The following CLTCL1 variants were observed in gnomAD, a reference collection of about 807,000 sequenced individuals.
The protein encoded by CLTCL1 is clathrin heavy chain 2.
In CLTCL1, 159 loss-of-function variants were observed where a neutral mutation model predicts 190.0. That is an observed-to-expected ratio of 0.84 (90% CI 0.74 to 0.95). CLTCL1 has a LOEUF of 0.95. CLTCL1 is among the 40% of genes least tolerant of loss of function. The pLI is 0.00. For synonymous variants in CLTCL1, 752 were observed against 769.6 expected, an observed-to-expected ratio of 0.98 and a Z score of 0.38; for missense variants, 1,878 against 2,033.4, an observed-to-expected ratio of 0.92 and a Z score of 1.47.
intron 11 of CLTCL1, among the ~76,000 whole-genome samples, chr22:19,229,578 G>A (rs957226554): frequency 2.6e-5 from 4 of 152,128 alleles, no homozygotes; most frequent in Non-Finnish European, 4.4e-5. Flanking sequence ...TGGTAAATTT[G>A]GTTATGTATA....
At chr22:19,215,639 C>T (rs1467771209) in intron 19 of CLTCL1, among the ~76,000 whole-genome samples, 2 of 152,194 alleles carry the variant, frequency 1.3e-5, no homozygotes, top group Non-Finnish European at 2.9e-5. Context: ...TCTATAGTGC[C>T]GGGCCTGTGC....
At chr22:19,183,694 T>A (rs1249035849) in intron 29 of CLTCL1, 83 bp from the exon 30 acceptor site, 2 of 1,377,086 alleles carry the variant, frequency 1.5e-6, no homozygotes, top group African/African-American at 1.4e-5. Context: ...GGGCAGGGAG[T>A]GGCACTAGAC....
chr22:19,275,906 G>A, intron 1 of CLTCL1, 76 bp from the exon 2 acceptor site: 4 of 1,278,636 alleles, frequency 3.1e-6, no homozygotes, highest in South Asian at 2.8e-5. Context: ...CAAAAGAGGA[G>A]AAGTTAAATA....
chr22:19,187,915 A>C, intron 28 of CLTCL1, 66 bp downstream of exon 28: 2 of 1,510,150 alleles, frequency 1.3e-6, no homozygotes, highest in Non-Finnish European at 1.8e-6. Context: ...TGCTTTGAGA[A>C]CAGAATGGCA....
At chr22:19,258,528 C>T in intron 2 of CLTCL1, 1 of 552,004 alleles carries the variant, frequency 1.8e-6, no homozygotes, top group Non-Finnish European at 3.4e-6. Flanking sequence ...GATGGAGCAG[C>T]TCAACAGGGT....
intron 5 of CLTCL1, among the ~76,000 whole-genome samples, chr22:19,237,284 A>G (rs2086110116): frequency 1.3e-5 from 2 of 152,166 alleles, no homozygotes; most frequent in African/African-American, 4.8e-5. Flanking sequence ...AGACTGGCCT[A>G]GGCAACATAG....
At chr22:19,258,461 T>C in intron 2 of CLTCL1, 2 of 432,606 alleles carry the variant, frequency 4.6e-6, no homozygotes, top group Non-Finnish European at 8.8e-6. Flanking sequence ...TGATGAGAAA[T>C]CTGAAGATCA....
chr22:19,225,028 G>A (rs1011676521), intron 13 of CLTCL1, among the ~76,000 whole-genome samples: 2 of 152,158 alleles, frequency 1.3e-5, no homozygotes, highest in African/African-American at 2.4e-5. Flanking sequence ...AATCAACTGG[G>A]TAGCAGACAC....
Position 19,291,674 on chromosome 22 carries a change from A to T in CLTCL1, c.-33T>A. On this transcript the variant is annotated 5_prime_UTR_variant, in exon 1 of 33. Transcript: ENST00000427926. ...GCGGGACCTCGGCGGCGGCGGCGGC[A>T]GCGGCAGGAATGAACGCCGACCCCT... 2 of 1,346,248 alleles carry T rather than the reference A, an allele frequency of 1.5e-6. No individual in the cohort carries two copies. Among genetic ancestry groups the T allele is most frequent in the Non-Finnish European group, 9.6e-7 (1 of 1,038,700 alleles). The allele number at this position is 1,346,248 out of a possible 1,614,324, so 83.4% of individuals were successfully genotyped here.
At position 19,233,263 on chromosome 22, in the gene CLTCL1, G is replaced by A. The variant is rs782145152; in HGVS notation, c.1424C>T (p.Ala475Val). The A allele has an allele frequency of 1.2e-6, 2 of 1,614,018 alleles. No homozygotes were observed. Among genetic ancestry groups the A allele is most frequent in the Admixed American group, 3.3e-5 (2 of 60,026 alleles). ...DLVKTTDPML[A>V]LSVYLRANVP... The stretch of plus-strand genomic sequence containing the variant: ...ATTTGCCCGAAGGTACACACTCAGA[G>A]CGAGCATGGGGTCAGTGGTTTTGAC... Residue 475 changes from alanine to valine, a missense_variant, in exon 9 of 33, where the codon GCT (alanine) becomes GTT (valine). Ala to Val is a moderately conservative substitution (Grantham distance 64). Coordinates refer to ENST00000427926, the MANE Select transcript of CLTCL1 (RefSeq NM_007098.4).
At chr22:19,196,733 C>G in intron 24 of CLTCL1, 77 bp from the exon 25 acceptor site, 1 of 1,490,364 alleles carries the variant, frequency 6.7e-7, no homozygotes, top group African/African-American at 1.4e-5. Context: ...ATGCCCACGC[C>G]GCAGGGACTG....
rs552423545 is a variant in CLTCL1 at position 19,278,065 on chromosome 22, G to A, written c.43-2235C>T. Among the ~76,000 whole-genome samples the A allele has an allele frequency of 1.6e-3, 243 of 152,246 alleles. 1 individual carries two copies. The highest frequency in any genetic ancestry group is 5.3e-3 in the African/African-American group (222 of 41,534). ...TGATGAACCGCCAGATGGAAGAGGC[G>A]CATAGAGAAAGGCGCGAGGGGTGTC... On this transcript the variant is annotated intron_variant, in intron 1 of 32. Coordinates refer to ENST00000427926, the MANE Select transcript of CLTCL1 (RefSeq NM_007098.4).
In CLTCL1 at chr22:19,268,036, T is replaced by G. The variant is rs572653466; in HGVS notation, c.250+7587A>C. On this transcript the variant is annotated intron_variant, in intron 2 of 32. Coordinates refer to ENST00000427926, the MANE Select transcript of CLTCL1 (RefSeq NM_007098.4). ...AGTAAGTTTTGCCCTTCAAAACATATCCTATGGTTTGAATGTTTTTTGTTC... is the reference window on the plus strand; with the variant it reads ...AGTAAGTTTTGCCCTTCAAAACATAGCCTATGGTTTGAATGTTTTTTGTTC... 3.9e-5 allele frequency among the ~76,000 whole-genome samples: 6 copies of G among 152,234 alleles called. No individual in the cohort carries two copies. In the South Asian group the frequency reaches 1.2e-3, roughly 32 times the overall value.
intron 1 of CLTCL1, among the ~76,000 whole-genome samples, chr22:19,289,325 CT>C (rs1170444938): frequency 6.6e-6 from 1 of 152,148 alleles, no homozygotes; most frequent in East Asian, 1.9e-4. Context: ...CTGCAGCCTG[CT>C]TTTGTATGGC....
chr22:19,233,083 G>C, intron 9 of CLTCL1, 83 bp downstream of exon 9: 1 of 1,416,436 alleles, frequency 7.1e-7, no homozygotes, highest in Non-Finnish European at 9.7e-7. Context: ...TACAAAGAAG[G>C]GTATTTTATA....
intron 22 of CLTCL1, among the ~76,000 whole-genome samples, chr22:19,205,929 G>GTTT (rs11459393): frequency 7.6e-5 from 11 of 145,304 alleles, no homozygotes; most frequent in African/African-American, 1.3e-4. Context: ...TCCAACCATT[G>GTTT]TTTTTTTTTT....
chr22:19,183,746 A>G, intron 29 of CLTCL1, 135 bp from the exon 30 acceptor site: 1 of 831,626 alleles, frequency 1.2e-6, no homozygotes, highest in East Asian at 2.7e-5. Flanking sequence ...GCCTGGACCC[A>G]TGGCTGGGCC....
intron 1 of CLTCL1, among the ~76,000 whole-genome samples, chr22:19,278,585 T>C (rs1176250825): frequency 6.6e-6 from 1 of 152,124 alleles, no homozygotes; most frequent in Non-Finnish European, 1.5e-5. Context: ...AACCACATTA[T>C]CACAACCAAA....
chr22:19,184,128 C>A, intron 29 of CLTCL1: 1 of 256,704 alleles, frequency 3.9e-6, no homozygotes, highest in Non-Finnish European at 7.7e-6. Flanking sequence ...AACACCTGCA[C>A]CTGACCAGTC....
Sources: gnomAD v4.1 joint callset for allele counts (sites outside exome capture counted in the v4.1 genomes callset) on GRCh38, gnomAD v4.1.1 for gene constraint, MANE v1.5 for transcripts, NCBI Gene and HGNC (gene_info 2026-07-23, HGNC 2026-07-21) for gene names.